The following TMPRSS12 variants were observed in gnomAD, a reference collection of about 807,000 sequenced individuals.
TMPRSS12 encodes the protein transmembrane serine protease 12, also known as transmembrane protease serine 12.
In TMPRSS12, 25 loss-of-function variants were observed where a neutral mutation model predicts 26.0. The observed-to-expected ratio is 0.96, with a 90% confidence interval of 0.70 to 1.34. The LOEUF (loss-of-function observed/expected upper bound fraction) is 1.34, where lower values mean the gene tolerates loss of function less well. TMPRSS12 is among the 40% of genes most tolerant of loss of function. The probability of loss-of-function intolerance (pLI) is 0.00; values close to 1 mark genes in which losing one functional copy is unlikely to be tolerated. For missense variants in TMPRSS12, 441 were observed against 440.1 expected (o/e 1.00, Z -0.02); for synonymous variants, 150 against 161.7 (o/e 0.93, Z 0.55).
At chr12:50,846,327 G>C (rs1182476243) in intron 2 of TMPRSS12, among the ~76,000 whole-genome samples, 1 of 152,074 alleles carries the variant, frequency 6.6e-6, no homozygotes, top group African/African-American at 2.4e-5. Flanking sequence ...TAAGGTATCA[G>C]GTAAGGGTAC....
In TMPRSS12 at chr12:50,885,496, T is replaced by C. The variant is rs765824132; in HGVS notation, c.795+108T>C. 9 of 1,277,082 alleles carry C rather than the reference T, an allele frequency of 7.0e-6. No homozygotes were observed. In the African/African-American group the frequency reaches 1.3e-4, roughly 19 times the overall value. 79.1% of individuals were successfully genotyped at this position (1,277,082 alleles called of 1,614,324 possible). On this transcript the variant is annotated intron_variant, in intron 4 of 4. Transcript: ENST00000398458. ...TGGTCTTAATTATCAGGCCTAAAAA[T>C]AATAAATCATTTTTTCTCCTTTTTA...
chr12:50,875,489 C>CAAAAAAA (rs56816598), intron 3 of TMPRSS12, among the ~76,000 whole-genome samples: 14,025 of 68,582 alleles, frequency 0.2, 2,263 homozygotes, highest in East Asian at 0.34. Flanking sequence ...GACTCCATCT[C>CAAAAAAA]AAAAAAAAAA....
chr12:50,861,469 T>C (rs1937933805), intron 3 of TMPRSS12, among the ~76,000 whole-genome samples: 1 of 151,176 alleles, frequency 6.6e-6, no homozygotes, highest in South Asian at 2.1e-4. Flanking sequence ...ACATGGGCTT[T>C]AGATTCACGG....
chr12:50,851,659 G>A (rs1293926776), intron 2 of TMPRSS12, among the ~76,000 whole-genome samples: 1 of 152,182 alleles, frequency 6.6e-6, no homozygotes, highest in Non-Finnish European at 1.5e-5. Flanking sequence ...CAACCTTGCT[G>A]GAGAGGTTGA....
At chr12:50,885,620 C>T in intron 4 of TMPRSS12, 6 of 616,214 alleles carry the variant, frequency 9.7e-6, no homozygotes, top group South Asian at 6.0e-5. Context: ...TTAATCATTA[C>T]CTTTGAGATA....
chr12:50,886,386 G>C (rs887062807), intron 4 of TMPRSS12: 1 of 151,808 alleles, frequency 6.6e-6, no homozygotes, highest in African/African-American at 2.4e-5. Context: ...TATTTCCAAA[G>C]CTACTAGTCC....
intron 3 of TMPRSS12, among the ~76,000 whole-genome samples, chr12:50,867,584 T>C (rs1938003681): frequency 6.6e-6 from 1 of 152,212 alleles, no homozygotes; most frequent in Admixed American, 6.5e-5. Flanking sequence ...TCCCCAGCCT[T>C]GCTAGAGACC....
chr12:50,871,500 G>A (rs1052671740), intron 3 of TMPRSS12, among the ~76,000 whole-genome samples: 8 of 152,236 alleles, frequency 5.3e-5, no homozygotes, highest in Admixed American at 5.2e-4. Flanking sequence ...AATTCTAGAA[G>A]ATAACTGGAA....
At chr12:50,869,408 G>T (rs576173141) in intron 3 of TMPRSS12, among the ~76,000 whole-genome samples, 2 of 152,196 alleles carry the variant, frequency 1.3e-5, no homozygotes, top group Non-Finnish European at 2.9e-5. Context: ...AGAAGGAGTG[G>T]ATAAATTCCT....
At chr12:50,865,893 C>A (rs1280616300) in intron 3 of TMPRSS12, among the ~76,000 whole-genome samples, 1 of 152,006 alleles carries the variant, frequency 6.6e-6, no homozygotes, top group African/African-American at 2.4e-5. Context: ...TGAGGCCTAC[C>A]CTCAAGAAAC....
intron 2 of TMPRSS12, among the ~76,000 whole-genome samples, chr12:50,846,856 G>C (rs995381135): frequency 1.3e-5 from 2 of 151,894 alleles, no homozygotes; most frequent in African/African-American, 4.8e-5. Context: ...GTAACTGCAG[G>C]TGTGAGCAAC....
At chr12:50,861,748 G>A (rs776753641) in intron 3 of TMPRSS12, among the ~76,000 whole-genome samples, 10 of 151,382 alleles carry the variant, frequency 6.6e-5, no homozygotes, top group African/African-American at 9.7e-5. Flanking sequence ...AAACGATGAA[G>A]TCAGAATTCA....
In TMPRSS12 at chr12:50,880,614, T is replaced by C. The variant is rs145655872; in HGVS notation, c.653-4632T>C. 3.0e-3 allele frequency among the ~76,000 whole-genome samples: 442 copies of C among 149,588 alleles called. 3 individuals carry two copies. The highest frequency in any genetic ancestry group is 0.01 in the African/African-American group (415 of 40,944). On this transcript the variant is annotated intron_variant, in intron 3 of 4. Transcript: ENST00000398458. ...ATGCACTTACCCTGTTAAGCATAGTTACCATATGACCTAGCAATTCCATTC... is the reference window on the plus strand; with the variant it reads ...ATGCACTTACCCTGTTAAGCATAGTCACCATATGACCTAGCAATTCCATTC...
intron 3 of TMPRSS12, among the ~76,000 whole-genome samples, chr12:50,866,419 A>G (rs1425834320): frequency 6.6e-6 from 1 of 152,066 alleles, no homozygotes; most frequent in African/African-American, 2.4e-5. Flanking sequence ...ATCACTTGGT[A>G]TACAACTCCA....
intron 3 of TMPRSS12, among the ~76,000 whole-genome samples, chr12:50,871,955 G>A (rs1160725735): frequency 6.6e-6 from 1 of 151,304 alleles, no homozygotes; most frequent in African/African-American, 2.4e-5. Flanking sequence ...ATGTTGGCAT[G>A]GATGTAGTGA....
chr12:50,858,126 G>C (rs1021779221), intron 2 of TMPRSS12, among the ~76,000 whole-genome samples: 1 of 152,212 alleles, frequency 6.6e-6, no homozygotes, highest in African/African-American at 2.4e-5. Context: ...ACAGGCGTGA[G>C]CCACTGCACC....
At position 50,842,955 on chromosome 12, in the gene TMPRSS12, A is replaced by C; in HGVS notation, c.-10A>C. On this transcript the variant is annotated 5_prime_UTR_variant, in exon 1 of 5. Coordinates refer to ENST00000398458, the MANE Select transcript of TMPRSS12 (RefSeq NM_182559.3). ...AGTACCTGCCGCCATCTTGCTCACC[A>C]GCCTCCAAAATGCGGCTGGGGCTCC... 6.4e-7 allele frequency: 1 copy of C among 1,572,866 alleles called. No homozygotes were observed. The highest frequency in any genetic ancestry group is 8.6e-7 in the Non-Finnish European group (1 of 1,156,616).
At chr12:50,856,359 T>G (rs914274138) in intron 2 of TMPRSS12, among the ~76,000 whole-genome samples, 3 of 152,212 alleles carry the variant, frequency 2.0e-5, no homozygotes, top group Admixed American at 2.0e-4. Flanking sequence ...CGATGGTTCC[T>G]GTGCAGCCTG....
chr12:50,875,894 T>C (rs1217969508), intron 3 of TMPRSS12, among the ~76,000 whole-genome samples: 2 of 151,960 alleles, frequency 1.3e-5, no homozygotes, highest in Admixed American at 1.3e-4. Flanking sequence ...AAAACAAAAA[T>C]TGACAAGTGG....
Sources: allele counts gnomAD v4.1 joint callset (sites outside exome capture counted in the v4.1 genomes callset), GRCh38; gene constraint gnomAD v4.1.1; transcripts MANE v1.5; gene names NCBI Gene and HGNC (gene_info 2026-07-23, HGNC 2026-07-21).